Variants in ACBD6 observed in about 807,000 individuals in gnomAD.
ACBD6 encodes acyl-CoA-binding domain-containing protein 6.
A neutral mutation model predicts 37.2 loss-of-function variants in ACBD6; 28 were observed. The ratio of observed to expected loss-of-function variants is 0.75; its 90% CI spans 0.56 to 1.03. The LOEUF is 1.03. Ranked by LOEUF, ACBD6 falls within the 50% of genes least tolerant of loss-of-function variation. ACBD6 has a pLI of 0.00. For missense variants in ACBD6, 340 were observed against 337.4 expected (o/e 1.01, Z -0.06); for synonymous variants, 113 against 126.8 (o/e 0.89, Z 0.73).
At chr1:180,458,315 A>G (rs1649998597) in intron 3 of ACBD6, among the ~76,000 whole-genome samples, 1 of 152,246 alleles carries the variant, frequency 6.6e-6, no homozygotes. Flanking sequence ...AACTTATTTC[A>G]GTTCAACTCA....
At chr1:180,285,095 C>T (rs1271091842), downstream of ACBD6, among the ~76,000 whole-genome samples, 1 of 152,080 alleles carries the variant, frequency 6.6e-6, no homozygotes, top group African/African-American at 2.4e-5. Context: ...ATAATGGTGC[C>T]ACTGCACTCC....
At chr1:180,355,140 C>T (rs181456552) in intron 6 of ACBD6, among the ~76,000 whole-genome samples, 51 of 152,318 alleles carry the variant, frequency 3.3e-4, no homozygotes, top group African/African-American at 1.2e-3. Flanking sequence ...TTTTATTAAT[C>T]TCATCCAACC....
At chr1:180,346,496 C>G (rs1652186254) in intron 6 of ACBD6, among the ~76,000 whole-genome samples, 1 of 152,036 alleles carries the variant, frequency 6.6e-6, no homozygotes, top group Admixed American at 6.6e-5. Flanking sequence ...ATGGAGAGAG[C>G]TGGCCTCAAA....
intron 3 of ACBD6, among the ~76,000 whole-genome samples, chr1:180,439,922 A>G (rs921809385): frequency 6.6e-6 from 1 of 152,128 alleles, no homozygotes; most frequent in Non-Finnish European, 1.5e-5. Flanking sequence ...GAGATTTTAA[A>G]ATTTAAAAAA....
intron 1 of ACBD6, among the ~76,000 whole-genome samples, chr1:180,501,143 G>A (rs779088827): frequency 6.6e-6 from 1 of 152,094 alleles, no homozygotes. Context: ...CCTAGGAAAG[G>A]TGCCTACTCT....
At chr1:180,497,022 T>C (rs1651767486) in intron 1 of ACBD6, among the ~76,000 whole-genome samples, 1 of 152,206 alleles carries the variant, frequency 6.6e-6, no homozygotes, top group African/African-American at 2.4e-5. Context: ...AATATCCCTT[T>C]ACTACATCAT....
intron 5 of ACBD6, among the ~76,000 whole-genome samples, chr1:180,411,744 C>G (rs959672723): frequency 1.3e-5 from 2 of 152,184 alleles, no homozygotes; most frequent in Non-Finnish European, 2.9e-5. Context: ...AGGCTCACTG[C>G]AACCTCTGCC....
intron 3 of ACBD6, among the ~76,000 whole-genome samples, chr1:180,448,244 A>C (rs1241563490): frequency 6.6e-6 from 1 of 152,182 alleles, no homozygotes; most frequent in Non-Finnish European, 1.5e-5. Context: ...CATATTAATT[A>C]TTTTCACCAA....
intron 6 of ACBD6, among the ~76,000 whole-genome samples, chr1:180,338,412 A>G (rs1418011783): frequency 6.6e-6 from 1 of 152,248 alleles, no homozygotes; most frequent in Non-Finnish European, 1.5e-5. Flanking sequence ...AACCTGACAA[A>G]AACAAGCAAT....
intron 3 of ACBD6, among the ~76,000 whole-genome samples, chr1:180,475,180 G>T (rs1476830828): frequency 6.6e-6 from 1 of 152,150 alleles, no homozygotes; most frequent in East Asian, 1.9e-4. Context: ...TATAATAACT[G>T]TGCATATTTA....
exon 11 of ACBD6, chr1:180,274,079 C>T (rs568678312): frequency 1.4e-6 from 2 of 1,423,918 alleles, no homozygotes; most frequent in African/African-American, 2.8e-5. Flanking sequence ...AGGCAGCTGC[C>T]ATCCTTGGGC....
intron 7 of ACBD6, among the ~76,000 whole-genome samples, chr1:180,313,777 TG>T (rs767734777): frequency 3.9e-5 from 6 of 152,308 alleles, no homozygotes; most frequent in Non-Finnish European, 8.8e-5. Flanking sequence ...GTGATCCTCC[TG>T]CCTCAGCCTC....
intron 5 of ACBD6, among the ~76,000 whole-genome samples, chr1:180,409,252 T>A (rs1280024012): frequency 6.6e-6 from 1 of 152,088 alleles, no homozygotes; most frequent in Non-Finnish European, 1.5e-5. Flanking sequence ...TTTGATTTTT[T>A]AAAAAAACAA....
At chr1:180,414,705 T>C (rs1399821608) in intron 4 of ACBD6, among the ~76,000 whole-genome samples, 2 of 152,162 alleles carry the variant, frequency 1.3e-5, no homozygotes, top group Non-Finnish European at 2.9e-5. Context: ...AAAAGGACTA[T>C]AACAGAACAG....
At chr1:180,283,225 G>A (rs1454548609) in intron 8 of ACBD6, among the ~76,000 whole-genome samples, 4 of 152,126 alleles carry the variant, frequency 2.6e-5, no homozygotes, top group Non-Finnish European at 5.9e-5. Context: ...CTACGCAAGT[G>A]AGAGGAAAAA....
intron 6 of ACBD6, among the ~76,000 whole-genome samples, chr1:180,349,396 C>A (rs776833862): frequency 6.6e-6 from 1 of 151,352 alleles, no homozygotes; most frequent in Non-Finnish European, 1.5e-5. Flanking sequence ...GCTGGGACTA[C>A]AGGCACCCGC....
At chr1:180,410,019 TA>T (rs1647792436) in intron 5 of ACBD6, among the ~76,000 whole-genome samples, 1 of 152,128 alleles carries the variant, frequency 6.6e-6, no homozygotes, top group Non-Finnish European at 1.5e-5. Context: ...GATAGAAAAG[TA>T]AAAAAGCCTT....
At chr1:180,386,118 C>T (rs1459344071) in intron 6 of ACBD6, among the ~76,000 whole-genome samples, 1 of 152,080 alleles carries the variant, frequency 6.6e-6, no homozygotes. Flanking sequence ...TGCAGTGAGC[C>T]AAGATTGCAC....
In ACBD6 at chr1:180,355,234, T is replaced by C. The variant is rs563082787; in HGVS notation, c.664-40512A>G. The stretch of plus-strand genomic sequence containing the variant: ...GTTAAGTAACTTGTCCAAGGTCACA[T>C]GATTTGTAAGTGGCAGAGTCAGAAC... On this transcript the variant is annotated intron_variant, in intron 6 of 7. Transcript: ENST00000367595. 9.8e-5 allele frequency among the ~76,000 whole-genome samples: 15 copies of C among 152,314 alleles called. No individual in the cohort carries two copies. In the East Asian group the frequency reaches 2.9e-3, roughly 29 times the overall value.
Sources: gnomAD v4.1 joint callset for allele counts (sites outside exome capture counted in the v4.1 genomes callset) on GRCh38, gnomAD v4.1.1 for gene constraint, MANE v1.5 for transcripts, NCBI Gene and HGNC (gene_info 2026-07-23, HGNC 2026-07-21) for gene names.